AVEN: variants seen among roughly 807,000 people sequenced by gnomAD.
AVEN encodes the protein cell death regulator Aven.
AVEN carries 41 observed loss-of-function variants against 38.1 expected under a neutral mutation model. The observed-to-expected ratio is 1.08, with a 90% CI of 0.84 to 1.40. The LOEUF (loss-of-function observed/expected upper bound fraction) is 1.40, where lower values mean the gene tolerates loss of function less well. AVEN is among the 40% of genes most tolerant of loss of function. The pLI, the probability that AVEN is intolerant of heterozygous loss-of-function variation, is 0.00. For synonymous variants in AVEN, 206 were observed against 171.8 expected (o/e 1.20, Z -1.56); for missense variants, 605 against 438.8 (o/e 1.38, Z -3.38).
intron 5 of AVEN, among the ~76,000 whole-genome samples, chr15:34,052,114 T>G (rs1017782473): frequency 6.6e-6 from 1 of 151,960 alleles, no homozygotes; most frequent in African/African-American, 2.4e-5. Flanking sequence ...TACTGGCAAA[T>G]GAAATCCAGC....
At chr15:33,885,844 A>C (rs948324947) in intron 2 of AVEN, 2 of 152,188 alleles carry the variant, frequency 1.3e-5, no homozygotes, top group African/African-American at 4.8e-5. Flanking sequence ...TTTTCCCCAA[A>C]ACAGTTGGTG....
downstream of AVEN, among the ~76,000 whole-genome samples, chr15:33,863,073 G>A (rs997777232): frequency 6.6e-6 from 1 of 152,192 alleles, no homozygotes; most frequent in African/African-American, 2.4e-5. Context: ...GAAGGATGCT[G>A]TCCTTTGGGT....
At chr15:33,946,378 A>G (rs1894509202) in intron 2 of AVEN, among the ~76,000 whole-genome samples, 1 of 152,152 alleles carries the variant, frequency 6.6e-6, no homozygotes, top group Admixed American at 6.5e-5. Flanking sequence ...TGTCCAACAC[A>G]ATAAATCACA....
chr15:34,003,305 A>G, intron 1 of AVEN, 96 bp from the exon 2 acceptor site: 1 of 1,005,336 alleles, frequency 9.9e-7, no homozygotes, highest in Non-Finnish European at 1.5e-6. Flanking sequence ...ACATAACAAT[A>G]AAAAGCAATA....
chr15:34,017,477 TTTTTTTG>T (rs1431457294), intron 1 of AVEN, among the ~76,000 whole-genome samples: 3 of 45,434 alleles, frequency 6.6e-5, no homozygotes, highest in Non-Finnish European at 1.2e-4. Context: ...AGTATGATTT[TTTTTTTG>T]TTTTTTTTTT....
chr15:33,859,344 A>G (rs373304042), intron 11 of AVEN, among the ~76,000 whole-genome samples: 5 of 152,222 alleles, frequency 3.3e-5, no homozygotes, highest in South Asian at 2.1e-4. Context: ...GCCTAAAAAT[A>G]CCTTTTAAAA....
chr15:34,038,706 C>A, intron 1 of AVEN, 74 bp downstream of exon 1: 1 of 1,107,472 alleles, frequency 9.0e-7, no homozygotes, highest in Non-Finnish European at 1.1e-6. Context: ...TCTCTTGCGG[C>A]TCTTGACTGG....
At chr15:33,868,328 C>G (rs759912067) in intron 4 of AVEN, among the ~76,000 whole-genome samples, 5 of 151,978 alleles carry the variant, frequency 3.3e-5, no homozygotes, top group Admixed American at 2.0e-4. Flanking sequence ...TTGAGACCAT[C>G]CTGGCTAACA....
intron 2 of AVEN, among the ~76,000 whole-genome samples, chr15:33,891,273 T>A (rs1477408273): frequency 6.6e-6 from 1 of 152,232 alleles, no homozygotes; most frequent in Non-Finnish European, 1.5e-5. Context: ...AGGGCACATG[T>A]GCACAACGTG....
At chr15:33,911,301 T>C (rs1487390113) in intron 2 of AVEN, among the ~76,000 whole-genome samples, 1 of 152,102 alleles carries the variant, frequency 6.6e-6, no homozygotes, top group African/African-American at 2.4e-5. Flanking sequence ...AGACACCCCT[T>C]GAGGAACAAA....
intron 2 of AVEN, among the ~76,000 whole-genome samples, chr15:33,958,184 G>T (rs928152510): frequency 1.3e-5 from 2 of 152,170 alleles, no homozygotes; most frequent in Non-Finnish European, 2.9e-5. Context: ...AAATGTGGAT[G>T]AACTTTTCAA....
chr15:34,047,073 G>GT (rs56218206), intron 5 of AVEN, among the ~76,000 whole-genome samples: 5,113 of 145,154 alleles, frequency 0.035, 296 homozygotes, highest in African/African-American at 0.12. Context: ...TTTTTTGTTG[G>GT]TTTTTTTTTT....
intron 1 of AVEN, chr15:34,007,154 G>A (rs1485202120): frequency 1.3e-4 from 67 of 533,686 alleles, no homozygotes; most frequent in Non-Finnish European, 1.6e-4. Context: ...CTATTATCTT[G>A]TCCAATGACA....
chr15:33,876,620 G>GA (rs1891243559), intron 2 of AVEN, among the ~76,000 whole-genome samples: 1 of 151,786 alleles, frequency 6.6e-6, no homozygotes, highest in Non-Finnish European at 1.5e-5. Flanking sequence ...TAATTAATAA[G>GA]ACCTTGTATT....
intron 3 of AVEN, among the ~76,000 whole-genome samples, chr15:33,872,334 T>C (rs1296151510): frequency 6.6e-6 from 1 of 152,226 alleles, no homozygotes; most frequent in African/African-American, 2.4e-5. Context: ...CACTCTTTAG[T>C]AAGAAAAGAA....
chr15:33,914,082 T>C (rs1330316821), intron 2 of AVEN, among the ~76,000 whole-genome samples: 1 of 152,200 alleles, frequency 6.6e-6, no homozygotes, highest in Non-Finnish European at 1.5e-5. Context: ...AATAGAATTA[T>C]ACCCATAGAA....
chr15:34,006,631 G>C (rs1897356587), intron 1 of AVEN, among the ~76,000 whole-genome samples: 1 of 152,166 alleles, frequency 6.6e-6, no homozygotes, highest in South Asian at 2.1e-4. Context: ...CCGAATTAAT[G>C]GTCCTGCCAA....
At chr15:34,060,282 T>G (rs1567492928) in intron 5 of AVEN, among the ~76,000 whole-genome samples, 1 of 152,140 alleles carries the variant, frequency 6.6e-6, no homozygotes, top group Non-Finnish European at 1.5e-5. Context: ...TCTTCGTGGG[T>G]CAGTTAGACT....
At position 33,866,662 on chromosome 15, in the gene AVEN, T is replaced by C. The variant is rs1218728250; in HGVS notation, c.1040A>G (p.Asn347Ser). The change falls in exon 6 of 6, where the codon AAT becomes AGT. Residue 347 changes from asparagine (N) to serine (S), a missense_variant. Physicochemically the swap from Asn to Ser is conservative, Grantham distance 46 (BLOSUM62 1). Coordinates refer to ENST00000306730, the MANE Select transcript of AVEN (RefSeq NM_020371.3). ...GTCTTCCAGCTCTTCCTCGGTAACA[T>C]TTTTGGAGGTACTTGGTTGCTCAGG... ...MEPEQPSTSK[N>S]VTEEELEDWL... 3 of 1,613,988 alleles carry C rather than the reference T, an allele frequency of 1.9e-6. No individual in the cohort carries two copies. Among genetic ancestry groups the C allele is most frequent in the African/African-American group, 2.7e-5 (2 of 74,924 alleles).
Sources: allele counts gnomAD v4.1 joint callset (sites outside exome capture counted in the v4.1 genomes callset), GRCh38; gene constraint gnomAD v4.1.1; transcripts MANE v1.5; gene names NCBI Gene and HGNC (gene_info 2026-07-23, HGNC 2026-07-21).